UNC13C: variants seen among roughly 807,000 people sequenced by gnomAD.
UNC13C encodes the protein protein unc-13 homolog C.
In UNC13C, 174 loss-of-function variants were observed where a neutral mutation model predicts 245.4. The ratio of observed to expected loss-of-function variants is 0.71; its 90% CI spans 0.63 to 0.80. UNC13C has a LOEUF of 0.80. Ranked by LOEUF, UNC13C falls within the 30% of genes least tolerant of loss-of-function variation. The pLI, the probability that UNC13C is intolerant of heterozygous loss-of-function variation, is 0.00. For synonymous variants in UNC13C, 992 were observed against 895.1 expected (o/e 1.11, Z -1.93); for missense variants, 2,829 against 2,602.9 (o/e 1.09, Z -1.89).
chr15:54,575,824 T>C (rs1336029048), intron 30 of UNC13C, among the ~76,000 whole-genome samples: 3 of 152,222 alleles, frequency 2.0e-5, no homozygotes, highest in Non-Finnish European at 2.9e-5. Flanking sequence ...TAGAATTTCC[T>C]TCTAAGACAA....
chr15:54,538,133 C>CAAAAAAAAAAAAAAAAAAAAAA (rs56041311), intron 26 of UNC13C, among the ~76,000 whole-genome samples: 1 of 10,238 alleles, frequency 9.8e-5, no homozygotes, highest in Non-Finnish European at 2.4e-4. Flanking sequence ...CATTAACAAG[C>CAAAAAAAAAAAAAAAAAAAAAA]AAAAAAAAAA....
chr15:54,321,804 C>A, intron 13 of UNC13C, 135 bp from the exon 14 acceptor site: 1 of 925,430 alleles, frequency 1.1e-6, no homozygotes, highest in Non-Finnish European at 1.6e-6. Flanking sequence ...GTTTTTCTTT[C>A]AATTAGAGAT....
intron 10 of UNC13C, among the ~76,000 whole-genome samples, chr15:54,268,310 CTT>C (rs2036599603): frequency 1.3e-5 from 2 of 152,054 alleles, no homozygotes; most frequent in South Asian, 4.1e-4. Flanking sequence ...CTAACTGGGT[CTT>C]TGCATCTTCC....
rs1255994307 is a variant in UNC13C at position 54,013,532 on chromosome 15, G to A, written c.629G>A (p.Arg210Lys). Residue 210 changes from arginine to lysine, a missense_variant, in exon 2 of 33, where the codon AGA (arginine) becomes AAA (lysine). Transcript: ENST00000260323. ...LSTMKKSWGI[R>K]SKSLDRTVRN... ...ACCATGAAAAAATCCTGGGGAATAA[G>A]AAGTAAGTCTTTGGACAGAACTGTC... is the stretch of plus-strand genomic sequence containing the variant. 4.3e-6 allele frequency: 7 copies of A among 1,613,886 alleles called. No homozygotes were observed. Among genetic ancestry groups the A allele is most frequent in the Non-Finnish European group, 5.9e-6 (7 of 1,179,842 alleles).
At chr15:54,129,717 C>T (rs1171308537) in intron 2 of UNC13C, among the ~76,000 whole-genome samples, 2 of 151,468 alleles carry the variant, frequency 1.3e-5, no homozygotes, top group Admixed American at 1.3e-4. Context: ...TCTCTCAGAA[C>T]TTTTCAAAAT....
the UNC13C span, among the ~76,000 whole-genome samples, chr15:53,857,151 T>A: frequency 1.1e-4 from 17 of 152,136 alleles, no homozygotes; most frequent in African/African-American, 3.9e-4. Flanking sequence ...CTTTCCTTTT[T>A]GTGCCCATGA....
intron 13 of UNC13C, among the ~76,000 whole-genome samples, chr15:54,319,940 T>C (rs2140976688): frequency 6.6e-6 from 1 of 152,130 alleles, no homozygotes; most frequent in East Asian, 1.9e-4. Flanking sequence ...GTATAAATGA[T>C]ACCATTATTC....
intron 4 of UNC13C, among the ~76,000 whole-genome samples, chr15:54,148,152 G>C (rs1030677218): frequency 2.0e-5 from 3 of 152,128 alleles, no homozygotes; most frequent in African/African-American, 7.2e-5. Context: ...TTGAAGGAAA[G>C]GGCACTGAGA....
chr15:54,564,808 A>C (rs1473585129), intron 29 of UNC13C, among the ~76,000 whole-genome samples: 1 of 151,988 alleles, frequency 6.6e-6, no homozygotes, highest in African/African-American at 2.4e-5. Flanking sequence ...AATTTTTAGG[A>C]GTGCAGTGTC....
chr15:53,840,296 C>G, the UNC13C span, among the ~76,000 whole-genome samples: 1 of 152,076 alleles, frequency 6.6e-6, no homozygotes, highest in Non-Finnish European at 1.5e-5. Flanking sequence ...TCTTCTTATT[C>G]TAAATGTCTA....
chr15:53,850,346 T>C, the UNC13C span, among the ~76,000 whole-genome samples: 3 of 152,120 alleles, frequency 2.0e-5, no homozygotes, highest in East Asian at 3.9e-4. Context: ...ACCCCGGTGG[T>C]TGAGACTGCA....
intron 31 of UNC13C, among the ~76,000 whole-genome samples, chr15:54,623,561 T>C (rs1900935549): frequency 6.6e-6 from 1 of 152,140 alleles, no homozygotes; most frequent in Admixed American, 6.6e-5. Flanking sequence ...GTAACAGATA[T>C]CATTTTAATT....
intron 2 of UNC13C, among the ~76,000 whole-genome samples, chr15:54,027,785 CTT>C (rs754006574): frequency 0.053 from 7,456 of 140,934 alleles, 231 homozygotes; most frequent in Non-Finnish European, 0.072. Context: ...TGCACATTTC[CTT>C]TTTTTTTTTT....
chr15:53,983,045 A>G (rs1228649120), intron 1 of UNC13C, among the ~76,000 whole-genome samples: 2 of 152,140 alleles, frequency 1.3e-5, no homozygotes, highest in East Asian at 3.8e-4. Context: ...ACAACAAGGC[A>G]GAAGTATTGG....
intron 28 of UNC13C, among the ~76,000 whole-genome samples, chr15:54,553,145 A>G (rs1186504112): frequency 9.1e-6 from 1 of 109,610 alleles, no homozygotes; most frequent in Non-Finnish European, 1.7e-5. Flanking sequence ...AGTATTCTAT[A>G]TTACAATATA....
intron 4 of UNC13C, among the ~76,000 whole-genome samples, chr15:54,159,415 A>C (rs539328810): frequency 6.6e-6 from 1 of 152,364 alleles, no homozygotes; most frequent in Non-Finnish European, 1.5e-5. Context: ...TTAAGTGTGC[A>C]CCAAGTACAA....
At chr15:53,958,169 C>CT in the UNC13C span, among the ~76,000 whole-genome samples, 125 of 152,240 alleles carry the variant, frequency 8.2e-4, 1 homozygote, top group Middle Eastern at 0.014. Context: ...ACCCAATCCC[C>CT]TTTTTTCTCC....
At chr15:54,375,164 C>T (rs570899677) in intron 17 of UNC13C, among the ~76,000 whole-genome samples, 1 of 152,172 alleles carries the variant, frequency 6.6e-6, no homozygotes, top group Non-Finnish European at 1.5e-5. Context: ...ATTGACTGCA[C>T]TAGGTAAAGC....
intron 2 of UNC13C, among the ~76,000 whole-genome samples, chr15:54,127,864 A>G (rs895170900): frequency 2.1e-4 from 31 of 150,750 alleles, no homozygotes; most frequent in African/African-American, 7.5e-4. Context: ...CTGGGACAAG[A>G]CAAGAATACT....
Sources: allele counts gnomAD v4.1 joint callset (sites outside exome capture counted in the v4.1 genomes callset), GRCh38; gene constraint gnomAD v4.1.1; transcripts MANE v1.5; gene names NCBI Gene and HGNC (gene_info 2026-07-23, HGNC 2026-07-21).